The following ABCD3 variants were observed in gnomAD, a reference collection of about 807,000 sequenced individuals.
ABCD3 encodes ATP binding cassette subfamily D member 3.
ABCD3 carries 41 observed loss-of-function variants against 105.5 expected under a neutral mutation model. The observed-to-expected ratio is 0.39, with a 90% CI of 0.30 to 0.50. The LOEUF (loss-of-function observed/expected upper bound fraction) is 0.50, where lower values mean the gene tolerates loss of function less well. Ranked by LOEUF, ABCD3 falls within the 20% of genes least tolerant of loss-of-function variation. ABCD3 has a pLI of 0.84. For synonymous variants in ABCD3, 258 were observed against 269.0 expected (o/e 0.96, Z 0.40); for missense variants, 622 against 806.3 (o/e 0.77, Z 2.77).
chr1:94,493,095 TGGGA>T (rs1649612064), intron 16 of ABCD3, among the ~76,000 whole-genome samples: 1 of 151,454 alleles, frequency 6.6e-6, no homozygotes, highest in Non-Finnish European at 1.5e-5. Flanking sequence ...AATTGACAAA[TGGGA>T]TCTAATTAAA....
intron 4 of ABCD3, among the ~76,000 whole-genome samples, chr1:94,469,643 G>T (rs1570785973): frequency 8.1e-6 from 1 of 123,714 alleles, no homozygotes; most frequent in Non-Finnish European, 1.7e-5. Flanking sequence ...TATACGTTTT[G>T]TAGTTTCCAG....
chr1:94,395,879 CAGAA>C, the ABCD3 span, among the ~76,000 whole-genome samples: 1 of 151,614 alleles, frequency 6.6e-6, no homozygotes, highest in Non-Finnish European at 1.5e-5. Flanking sequence ...GAGAGACAGA[CAGAA>C]AGAGAGAGAC....
intron 10 of ABCD3, among the ~76,000 whole-genome samples, chr1:94,484,753 T>C (rs1280106784): frequency 2.0e-5 from 3 of 152,154 alleles, no homozygotes; most frequent in African/African-American, 7.2e-5. Context: ...ACCTGCACGT[T>C]GTGCACATGT....
At chr1:94,460,296 C>G (rs1647802760) in intron 2 of ABCD3, among the ~76,000 whole-genome samples, 3 of 152,098 alleles carry the variant, frequency 2.0e-5, no homozygotes, top group Admixed American at 1.3e-4. Flanking sequence ...GAATTATCTA[C>G]AAATTTAATT....
chr1:94,411,365 G>A, the ABCD3 span, among the ~76,000 whole-genome samples: 5 of 152,184 alleles, frequency 3.3e-5, no homozygotes, highest in South Asian at 4.1e-4. Context: ...CAACAAGCAC[G>A]TGAAAAGATG....
chr1:94,451,996 C>T (rs909759004), intron 1 of ABCD3, among the ~76,000 whole-genome samples: 2 of 152,200 alleles, frequency 1.3e-5, no homozygotes, highest in African/African-American at 4.8e-5. Flanking sequence ...CTTCCACTCT[C>T]ATACCCACTG....
At chr1:94,415,986 A>G (rs892077569), upstream of ABCD3, among the ~76,000 whole-genome samples, 1 of 152,236 alleles carries the variant, frequency 6.6e-6, no homozygotes, top group African/African-American at 2.4e-5. Flanking sequence ...AGCTAAAATT[A>G]TTTGAGCTCG....
At chr1:94,510,277 A>G (rs1650594830) in intron 21 of ABCD3, among the ~76,000 whole-genome samples, 1 of 152,226 alleles carries the variant, frequency 6.6e-6, no homozygotes, top group Admixed American at 6.5e-5. Flanking sequence ...CAGGTTGTTC[A>G]GTTTCCATGT....
intron 1 of ABCD3, among the ~76,000 whole-genome samples, chr1:94,441,481 G>A: frequency 6.6e-6 from 1 of 152,162 alleles, no homozygotes; most frequent in East Asian, 1.9e-4. Context: ...TTTATGTATT[G>A]ACTCAGTAGT....
At chr1:94,493,779 T>C (rs1013316354) in intron 16 of ABCD3, among the ~76,000 whole-genome samples, 12 of 152,068 alleles carry the variant, frequency 7.9e-5, no homozygotes, top group African/African-American at 2.4e-4. Flanking sequence ...AAATGATGAG[T>C]TCATGTCCTT....
At chr1:94,423,236 T>A (rs969566714) in intron 1 of ABCD3, among the ~76,000 whole-genome samples, 1 of 152,248 alleles carries the variant, frequency 6.6e-6, no homozygotes, top group African/African-American at 2.4e-5. Context: ...CTCCAGATGA[T>A]CTAAATGATG....
intron 1 of ABCD3, among the ~76,000 whole-genome samples, chr1:94,440,478 G>A (rs765402773): frequency 1.1e-4 from 17 of 152,142 alleles, no homozygotes; most frequent in Non-Finnish European, 2.2e-4. Flanking sequence ...AGTCTTCAAG[G>A]GTCCAGGCTG....
At chr1:94,413,906 G>C (rs1367165323), upstream of ABCD3, among the ~76,000 whole-genome samples, 1 of 152,138 alleles carries the variant, frequency 6.6e-6, no homozygotes, top group African/African-American at 2.4e-5. Context: ...AAGGGGTTAG[G>C]GGGGACTGGT....
chr1:94,459,999 T>C (rs1248255484), intron 2 of ABCD3, among the ~76,000 whole-genome samples: 1 of 152,196 alleles, frequency 6.6e-6, no homozygotes, highest in Admixed American at 6.5e-5. Flanking sequence ...TGTTTATCAG[T>C]TCATCAGTTG....
intron 22 of ABCD3, among the ~76,000 whole-genome samples, chr1:94,516,327 TAAAG>T (rs1470996330): frequency 1.1e-4 from 17 of 152,006 alleles, no homozygotes; most frequent in African/African-American, 4.1e-4. Context: ...GTGTGACTTT[TAAAG>T]ATAGCTTTTA....
chr1:94,447,350 G>T (rs2100929839), intron 1 of ABCD3, among the ~76,000 whole-genome samples: 1 of 152,294 alleles, frequency 6.6e-6, no homozygotes, highest in South Asian at 2.1e-4. Flanking sequence ...ATGGGAGCAT[G>T]GGAGCATTGC....
intron 1 of ABCD3, among the ~76,000 whole-genome samples, chr1:94,422,102 T>G (rs1291748835): frequency 6.6e-6 from 1 of 152,054 alleles, no homozygotes; most frequent in Admixed American, 6.6e-5. Flanking sequence ...AGTCAACACT[T>G]TGTCTTAGGT....
intron 16 of ABCD3, among the ~76,000 whole-genome samples, chr1:94,493,406 C>T (rs1001763907): frequency 2.0e-5 from 3 of 150,388 alleles, no homozygotes; most frequent in African/African-American, 7.4e-5. Flanking sequence ...ACATCTCACA[C>T]CAGTTAGAAT....
the ABCD3 span, among the ~76,000 whole-genome samples, chr1:94,402,591 A>G: frequency 5.9e-5 from 9 of 152,274 alleles, 1 homozygote; most frequent in South Asian, 1.7e-3. Context: ...TAACCTACCA[A>G]TAGTATTCCA....
Sources: allele counts gnomAD v4.1 joint callset (sites outside exome capture counted in the v4.1 genomes callset), GRCh38; gene constraint gnomAD v4.1.1; transcripts MANE v1.5; gene names NCBI Gene and HGNC (gene_info 2026-07-23, HGNC 2026-07-21).